Variants in UBE3B observed in about 807,000 individuals in gnomAD.
The protein encoded by UBE3B is ubiquitin-protein ligase E3B.
In UBE3B, 80 loss-of-function variants were observed where a neutral mutation model predicts 132.3. That is an observed-to-expected ratio of 0.60 (90% confidence interval 0.50 to 0.73). UBE3B has a LOEUF of 0.73. Among genes scored for constraint, UBE3B ranks in the 30% least tolerant of loss-of-function variants. UBE3B has a pLI of 0.00. For synonymous variants in UBE3B, 487 were observed against 520.4 expected, an observed-to-expected ratio of 0.94 and a Z score of 0.87; for missense variants, 1,196 against 1,362.5, an observed-to-expected ratio of 0.88 and a Z score of 1.92.
At chr12:109,538,222 G>A (rs1883524236), downstream of UBE3B, among the ~76,000 whole-genome samples, 1 of 152,264 alleles carries the variant, frequency 6.6e-6, no homozygotes, top group Non-Finnish European at 1.5e-5. This position sits in a 1 kb window ranked among gnomAD's most constrained non-coding sequence, Gnocchi z 4.1. Context: ...ACAAGGCACT[G>A]CTGAAAGCCA....
chr12:109,537,791 G>T (rs912911640), downstream of UBE3B, among the ~76,000 whole-genome samples: 5 of 152,126 alleles, frequency 3.3e-5, no homozygotes, highest in Non-Finnish European at 5.9e-5. Context: ...TGCAGGCTCC[G>T]TCTCCCAGGT....
intron 13 of UBE3B, 51 bp downstream of exon 13, chr12:109,501,585 A>AGC (rs746232379): frequency 6.3e-7 from 1 of 1,577,934 alleles, no homozygotes; most frequent in Non-Finnish European, 8.6e-7. Context: ...GCTGAAGTAC[A>AGC]GCTCCTGTTT....
intron 23 of UBE3B, among the ~76,000 whole-genome samples, chr12:109,524,725 G>A (rs1417925245): frequency 6.6e-6 from 1 of 152,026 alleles, no homozygotes; most frequent in Non-Finnish European, 1.5e-5. Context: ...CAGAGACCCT[G>A]CTTTCTTATA....
chr12:109,489,906 TTTC>T lies in UBE3B; in HGVS notation c.545-10_545-8del. The T allele has an allele frequency of 2.5e-6, 4 of 1,613,610 alleles. No individual in the cohort carries two copies. Among genetic ancestry groups the T allele is most frequent in the Non-Finnish European group, 3.4e-6 (4 of 1,179,524 alleles). Reference sequence around the variant, plus strand: ...CAAGAGACTTTTTTGTTCTCACTGTTTTCTTTCTTTAGGTGAAAGTCTTCGACC... The same window carrying T: ...CAAGAGACTTTTTTGTTCTCACTGTTTTTCTTTAGGTGAAAGTCTTCGACC... On this transcript the variant is annotated splice_polypyrimidine_tract_variant and intron_variant, in intron 7 of 27. Coordinates refer to ENST00000342494, the MANE Select transcript of UBE3B (RefSeq NM_130466.4).
intron 1 of UBE3B, among the ~76,000 whole-genome samples, chr12:109,479,962 T>C (rs1338677002): frequency 6.6e-6 from 1 of 152,196 alleles, no homozygotes; most frequent in South Asian, 2.1e-4. Context: ...GAGCATATCA[T>C]TGTGCTTGTG....
chr12:109,540,815 C>T (rs1172165713), downstream of UBE3B, among the ~76,000 whole-genome samples: 2 of 152,082 alleles, frequency 1.3e-5, no homozygotes, highest in African/African-American at 4.8e-5. Context: ...AACATTGTAG[C>T]CAGAACTTGT....
chr12:109,508,875 G>A (rs564411762), intron 15 of UBE3B: 19 of 461,922 alleles, frequency 4.1e-5, no homozygotes, highest in African/African-American at 3.2e-4. Flanking sequence ...AGTGTCACTA[G>A]TATGTGTCTT....
intron 15 of UBE3B, chr12:109,508,431 T>A (rs1417553485): frequency 1.2e-6 from 1 of 809,352 alleles, no homozygotes; most frequent in African/African-American, 1.9e-5. Context: ...TGGCACAGAG[T>A]GGGAAATTAA....
rs1176039143 is a variant in UBE3B, at chr12:109,487,579, G to C, written c.448-993G>C. Among the ~76,000 whole-genome samples, 7 of 152,192 alleles carry C rather than the reference G, an allele frequency of 4.6e-5. 1 individual carries two copies. Among genetic ancestry groups the C allele is most frequent in the Admixed American group, 3.9e-4 (6 of 15,284 alleles). ...CCTGGGAGTCCACCAGAATGCCTTAGGGCCAAGTGAGCAGGGTATTTCCCT... is the reference window on the plus strand; with the variant it reads ...CCTGGGAGTCCACCAGAATGCCTTACGGCCAAGTGAGCAGGGTATTTCCCT... On this transcript the variant is annotated intron_variant, in intron 6 of 27. Coordinates refer to ENST00000342494, the MANE Select transcript of UBE3B (RefSeq NM_130466.4).
At chr12:109,529,548 G>A (rs553205157) in intron 24 of UBE3B, among the ~76,000 whole-genome samples, 1 of 152,304 alleles carries the variant, frequency 6.6e-6, no homozygotes, top group East Asian at 1.9e-4. Flanking sequence ...AGTCCAAAAA[G>A]CACCCTTTGT....
chr12:109,516,835 C>T lies in UBE3B; in HGVS notation c.2027C>T (p.Ala676Val), dbSNP rs757776936. The change falls in exon 19 of 28, where the codon GCC becomes GTC. Residue 676 changes from alanine (A) to valine (V), a missense_variant. Transcript: ENST00000342494. ...EKLGLVETSS[A>V]SPHVTHITIR... The stretch of plus-strand genomic sequence containing the variant: ...CTGGGGCTGGTGGAAACCAGCTCTG[C>T]CTCCCCGCATGTCACTCACATCACC... The T allele has an allele frequency of 1.9e-6, 3 of 1,614,066 alleles. No homozygotes were observed. The highest frequency in any genetic ancestry group is 2.5e-6 in the Non-Finnish European group (3 of 1,180,018).
chr12:109,520,558 A>G (rs1319171379), intron 19 of UBE3B: 3 of 152,526 alleles, frequency 2.0e-5, no homozygotes, highest in Non-Finnish European at 4.4e-5. Context: ...TCTGCTGCCA[A>G]TAGAAAGATC....
chr12:109,539,400 A>C (rs1268884251), downstream of UBE3B, among the ~76,000 whole-genome samples: 1 of 152,198 alleles, frequency 6.6e-6, no homozygotes, highest in African/African-American at 2.4e-5. Context: ...GCCCCAGCTG[A>C]GTGCAGATCT....
downstream of UBE3B, among the ~76,000 whole-genome samples, chr12:109,538,608 C>CT (rs1883538652): frequency 6.6e-6 from 1 of 152,236 alleles, no homozygotes; most frequent in African/African-American, 2.4e-5. This position sits in a 1 kb window ranked among gnomAD's most constrained non-coding sequence, Gnocchi z 4.1. Context: ...ATTTCCTCAC[C>CT]TTTCACTTTA....
chr12:109,500,817 C>T (rs1878889278), intron 12 of UBE3B, among the ~76,000 whole-genome samples: 1 of 152,240 alleles, frequency 6.6e-6, no homozygotes, highest in Non-Finnish European at 1.5e-5. Flanking sequence ...CACCTACCAG[C>T]AGGCAGGCCT....
chr12:109,533,351 A>G lies in UBE3B; in HGVS notation c.2923-115A>G, dbSNP rs541167242. ...CCCGCCACTCCATACGGCTGGCTAG[A>G]CAGCAGTTACAACACGGTAACAGAC... is the stretch of plus-strand genomic sequence containing the variant. On this transcript the variant is annotated intron_variant, in intron 26 of 27. Coordinates refer to ENST00000342494, the MANE Select transcript of UBE3B (RefSeq NM_130466.4). The G allele has an allele frequency of 6.2e-6, 6 of 973,638 alleles. No homozygotes were observed. The East Asian group carries it at 1.4e-4, about 23-fold the overall frequency. 60.3% of individuals were successfully genotyped at this position (973,638 alleles called of 1,614,324 possible). A position where few individuals can be genotyped will look rare whatever the true frequency, so the allele number is the denominator to read the frequency against.
chr12:109,496,793 A>T (rs1383504935), intron 9 of UBE3B, among the ~76,000 whole-genome samples: 1 of 152,238 alleles, frequency 6.6e-6, no homozygotes, highest in Non-Finnish European at 1.5e-5. Flanking sequence ...CCCTTTTCAG[A>T]CAAGTGATCT....
intron 19 of UBE3B, among the ~76,000 whole-genome samples, chr12:109,517,751 C>T (rs144475884): frequency 1.1e-3 from 174 of 152,318 alleles, no homozygotes; most frequent in Middle Eastern, 3.4e-3. Context: ...TGCAGTTCCC[C>T]ATGAGCCTGT....
In UBE3B at chr12:109,491,062, C is replaced by G. The variant is rs1364579566; in HGVS notation, c.648C>G (p.Gly216=). The change falls in exon 9 of 28, where the codon GGC becomes GGG. Residue 216 remains glycine, a synonymous_variant. Coordinates refer to ENST00000342494, the MANE Select transcript of UBE3B (RefSeq NM_130466.4). ...YSVLQILLTR[G]LARPRPCLSK... ...CTTTTCAGATATTGTTAACCCGTGG[C>G]CTGGCAAGACCCCGTCCTTGTCTAT... 1 of 1,613,748 alleles carries G rather than the reference C, an allele frequency of 6.2e-7. No individual in the cohort carries two copies. The highest frequency in any genetic ancestry group is 1.7e-5 in the Admixed American group (1 of 60,006).
Sources: gnomAD v4.1 joint callset for allele counts (sites outside exome capture counted in the v4.1 genomes callset) on GRCh38, gnomAD v4.1.1 for gene constraint, Gnocchi (gnomAD v3.1) non-coding constraint, MANE v1.5 for transcripts, NCBI Gene and HGNC (gene_info 2026-07-23, HGNC 2026-07-21) for gene names.